Variants in METTL25 observed in about 807,000 individuals in gnomAD.
METTL25 encodes probable methyltransferase-like protein 25.
METTL25 carries 64 observed loss-of-function variants against 71.6 expected under a neutral mutation model. The ratio of observed to expected loss-of-function variants is 0.89; its 90% CI spans 0.73 to 1.10. The LOEUF is 1.10. METTL25 is among the 50% of genes least tolerant of loss of function. METTL25 has a pLI of 0.00. For synonymous variants in METTL25, 287 were observed against 250.3 expected (o/e 1.15, Z -1.38); for missense variants, 807 against 707.0 (o/e 1.14, Z -1.60).
chr12:82,425,003 A>T (rs575420137), intron 5 of METTL25, among the ~76,000 whole-genome samples: 2 of 152,220 alleles, frequency 1.3e-5, no homozygotes, highest in South Asian at 4.1e-4. Flanking sequence ...GTCTTAAGCC[A>T]TCCAGTTTGT....
intron 3 of METTL25, among the ~76,000 whole-genome samples, chr12:82,390,314 T>TA (rs1331146414): frequency 6.6e-6 from 1 of 152,094 alleles, no homozygotes; most frequent in African/African-American, 2.4e-5. Flanking sequence ...TGGTCTGGGA[T>TA]ACCTGCATCA....
intron 1 of METTL25, among the ~76,000 whole-genome samples, chr12:82,369,189 T>G (rs1051959444): frequency 6.6e-6 from 1 of 152,226 alleles, no homozygotes; most frequent in Non-Finnish European, 1.5e-5. Flanking sequence ...ACTAAATTAG[T>G]AATGAAATTA....
intron 6 of METTL25, among the ~76,000 whole-genome samples, chr12:82,432,757 A>G (rs1889612380): frequency 1.3e-5 from 2 of 151,298 alleles, no homozygotes; most frequent in Admixed American, 1.3e-4. Flanking sequence ...TTCCAAAGTA[A>G]TGTTGGAAAA....
At chr12:82,465,991 G>GTT (rs71068931) in intron 9 of METTL25, among the ~76,000 whole-genome samples, 1,844 of 141,060 alleles carry the variant, frequency 0.013, 32 homozygotes, top group African/African-American at 0.035. Context: ...CTTCTTGCCT[G>GTT]TTTTTTTTTT....
intron 9 of METTL25, among the ~76,000 whole-genome samples, chr12:82,462,908 AGTT>A (rs879560260): frequency 5.0e-4 from 76 of 152,220 alleles, no homozygotes; most frequent in African/African-American, 4.6e-4. Context: ...CTATGTAAGT[AGTT>A]GTTGTACTGT....
At position 82,422,898 on chromosome 12, in the gene METTL25, G is replaced by T. The variant is rs530897584; in HGVS notation, c.1280-7995G>T. Among the ~76,000 whole-genome samples, 4 of 152,152 alleles carry T rather than the reference G, an allele frequency of 2.6e-5. No individual in the cohort carries two copies. The East Asian group carries it at 7.7e-4, about 29-fold the overall frequency. On this transcript the variant is annotated intron_variant, in intron 5 of 11. Transcript: ENST00000248306. ...ACCACTGCTCAACAAAATAAAAGAG[G>T]ATACAAACAAATGGAAGAACATTCC...
intron 1 of METTL25, among the ~76,000 whole-genome samples, chr12:82,361,055 C>T (rs548699147): frequency 1.4e-4 from 21 of 152,228 alleles, no homozygotes; most frequent in African/African-American, 2.4e-4. Context: ...TCGCTGCTGG[C>T]GCCAGCAGTC....
Position 82,402,982 on chromosome 12 carries a change from G to T in METTL25, c.1132-1G>T. The T allele has an allele frequency of 6.3e-7, 1 of 1,581,632 alleles. No individual in the cohort carries two copies. Among genetic ancestry groups the T allele is most frequent in the Non-Finnish European group, 8.6e-7 (1 of 1,168,598 alleles). ...TTTATTTTTCTTCTTGTATTTTAAA[G>T]GATTGTTTGATGGTGGGTCTCCACA... On this transcript the variant is annotated splice_acceptor_variant, in intron 4 of 11. Coordinates refer to ENST00000248306, the MANE Select transcript of METTL25 (RefSeq NM_032230.3). LOFTEE classifies it high-confidence loss of function.
intron 1 of METTL25, among the ~76,000 whole-genome samples, chr12:82,360,419 G>A (rs1364596257): frequency 1.3e-5 from 2 of 151,884 alleles, no homozygotes; most frequent in Non-Finnish European, 2.9e-5. Context: ...AGCTGATAAT[G>A]GAAGATTCTC....
At position 82,452,700 on chromosome 12, in the gene METTL25, A is replaced by T. The variant is rs191261662; in HGVS notation, c.1479-4027A>T. ...ACCAAGCCTTCTAGAAATTGGTCTC[A>T]TATCATGCAAAAGTAACCTTTAACT... On this transcript the variant is annotated intron_variant, in intron 8 of 11. Coordinates refer to ENST00000248306, the MANE Select transcript of METTL25 (RefSeq NM_032230.3). Among the ~76,000 whole-genome samples the T allele has an allele frequency of 7.2e-5, 11 of 152,322 alleles. No individual in the cohort carries two copies. The East Asian group carries it at 1.5e-3, about 21-fold the overall frequency.
At chr12:82,455,705 A>T (rs1487526318) in intron 8 of METTL25, among the ~76,000 whole-genome samples, 4 of 151,910 alleles carry the variant, frequency 2.6e-5, no homozygotes, top group Non-Finnish European at 5.9e-5. Context: ...AGGAGAAAAA[A>T]CTAAATACTG....
intron 5 of METTL25, among the ~76,000 whole-genome samples, chr12:82,419,061 T>G (rs564112503): frequency 2.0e-4 from 30 of 152,180 alleles, no homozygotes; most frequent in African/African-American, 6.5e-4. Context: ...TAAAACAAAT[T>G]GTCAAGATAA....
chr12:82,387,932 T>C (rs892965762), intron 2 of METTL25, among the ~76,000 whole-genome samples: 3 of 152,022 alleles, frequency 2.0e-5, no homozygotes, highest in Non-Finnish European at 1.5e-5. Context: ...TTTCCAAGAA[T>C]ATCTTTTAGA....
At position 82,358,894 on chromosome 12, in the gene METTL25, C is replaced by A. The variant is rs924130869; in HGVS notation, c.259+70C>A. 3 of 1,530,744 alleles carry A rather than the reference C, an allele frequency of 2.0e-6. No homozygotes were observed. In the East Asian group the frequency reaches 7.3e-5, roughly 37 times the overall value. 94.8% of individuals were successfully genotyped at this position (1,530,744 alleles called of 1,614,324 possible). A position where few individuals can be genotyped will look rare whatever the true frequency, so the allele number is the denominator to read the frequency against. ...GGTCCCGGCAGACGAAGCGAGCCCCCTGGTGGAAGCCAGCAGAACCAGGTG... is the reference window on the plus strand; with the variant it reads ...GGTCCCGGCAGACGAAGCGAGCCCCATGGTGGAAGCCAGCAGAACCAGGTG... On this transcript the variant is annotated intron_variant, in intron 1 of 11. Transcript: ENST00000248306.
At chr12:82,364,783 A>C (rs1037440056) in intron 1 of METTL25, among the ~76,000 whole-genome samples, 2 of 152,176 alleles carry the variant, frequency 1.3e-5, no homozygotes, top group African/African-American at 2.4e-5. Context: ...TTTACTTGGA[A>C]GAAATAAATT....
At chr12:82,414,430 C>A (rs1460807148) in intron 5 of METTL25, among the ~76,000 whole-genome samples, 1 of 152,134 alleles carries the variant, frequency 6.6e-6, no homozygotes, top group East Asian at 1.9e-4. Context: ...AGAAATGGAA[C>A]TTCAATATAT....
At chr12:82,359,743 C>A (rs1307817437) in intron 1 of METTL25, among the ~76,000 whole-genome samples, 1 of 152,192 alleles carries the variant, frequency 6.6e-6, no homozygotes, top group Non-Finnish European at 1.5e-5. Context: ...CTCAGGCAAG[C>A]ATATTTTGGA....
chr12:82,392,374 T>C (rs4882443), intron 3 of METTL25, among the ~76,000 whole-genome samples: 139,973 of 151,424 alleles, frequency 0.92, 65,016 homozygotes, highest in East Asian at 1. Context: ...TTTGTTCTTG[T>C]GATAGTTTAC....
chr12:82,359,456 G>A (rs1565790288), intron 1 of METTL25, among the ~76,000 whole-genome samples: 1 of 152,168 alleles, frequency 6.6e-6, no homozygotes, highest in Admixed American at 6.5e-5. Context: ...GATTTTAAGT[G>A]TGACGGAAAC....
Sources: gnomAD v4.1 joint callset for allele counts (sites outside exome capture counted in the v4.1 genomes callset) on GRCh38, gnomAD v4.1.1 for gene constraint, MANE v1.5 for transcripts, NCBI Gene and HGNC (gene_info 2026-07-23, HGNC 2026-07-21) for gene names.